Variants in TRPM6 observed in about 807,000 individuals in gnomAD.
TRPM6 encodes the protein transient receptor potential cation channel subfamily M member 6.
A neutral mutation model predicts 247.6 loss-of-function variants in TRPM6; 111 were observed. That is an observed-to-expected ratio of 0.45 (90% confidence interval 0.38 to 0.52). The LOEUF (loss-of-function observed/expected upper bound fraction) is 0.52. Among genes scored for constraint, TRPM6 ranks in the 20% least tolerant of loss-of-function variants. The pLI, the probability that TRPM6 is intolerant of heterozygous loss-of-function variation, is 0.00. For missense variants in TRPM6, 2,126 were observed against 2,421.5 expected, an observed-to-expected ratio of 0.88 and a Z score of 2.56; for synonymous variants, 892 against 853.8, an observed-to-expected ratio of 1.04 and a Z score of -0.78.
chr9:74,781,001 A>C (rs1219709636), intron 23 of TRPM6, among the ~76,000 whole-genome samples: 1 of 152,158 alleles, frequency 6.6e-6, no homozygotes, highest in Non-Finnish European at 1.5e-5. Context: ...TTAGAAATCT[A>C]TTAAATTTCT....
At chr9:74,742,753 C>CA in intron 32 of TRPM6, 127 bp from the exon 33 acceptor site, 1 of 834,476 alleles carries the variant, frequency 1.2e-6, no homozygotes, top group Non-Finnish European at 1.9e-6. Context: ...TTGCCATTAT[C>CA]AAAAATATAA....
chr9:74,755,250 T>C, intron 28 of TRPM6, 103 bp downstream of exon 28: 1 of 1,223,568 alleles, frequency 8.2e-7, no homozygotes, highest in South Asian at 1.2e-5. Context: ...CTTTCCCTCA[T>C]CTCCATGTGA....
chr9:74,860,542 A>T (rs149467561), intron 1 of TRPM6, among the ~76,000 whole-genome samples: 7 of 152,124 alleles, frequency 4.6e-5, no homozygotes, highest in African/African-American at 1.7e-4. Context: ...TATTTTTAGT[A>T]GCAACAGGGT....
chr9:74,846,635 C>T (rs905255838), intron 3 of TRPM6, among the ~76,000 whole-genome samples: 6 of 152,042 alleles, frequency 3.9e-5, no homozygotes, highest in African/African-American at 1.4e-4. Context: ...CCACCTCCAC[C>T]TCCTGGATTC....
intron 1 of TRPM6, among the ~76,000 whole-genome samples, chr9:74,882,690 A>G (rs1245175438): frequency 1.3e-5 from 2 of 152,214 alleles, no homozygotes; most frequent in African/African-American, 4.8e-5. Flanking sequence ...CCGTTATGGA[A>G]AACAGTAATG....
rs892016520 is a variant in TRPM6 at position 74,752,312 on chromosome 9, T to C, written c.4963A>G (p.Ile1655Val). The C allele has an allele frequency of 2.5e-6, 4 of 1,601,884 alleles. No homozygotes were observed. The highest frequency in any genetic ancestry group is 1.7e-5 in the Admixed American group (1 of 59,712). Reference sequence around the variant, plus strand: ...TGCTTTAGGTAATCACTGATTTGTATAGCACATTGTCCAATTTCTTTAGTT... The same window carrying C: ...TGCTTTAGGTAATCACTGATTTGTACAGCACATTGTCCAATTTCTTTAGTT... ...MKTKEIGQCA[I>V]QISDYLKQSQ... is the part of the protein sequence containing the mutation. Residue 1655 changes from isoleucine (I) to valine (V), a missense_variant, in exon 29 of 39, where the codon ATA becomes GTA. Ile to Val is a conservative substitution (Grantham distance 29). Coordinates refer to ENST00000360774, the MANE Select transcript of TRPM6 (RefSeq NM_017662.5).
At chr9:74,864,323 C>G (rs540780644) in intron 1 of TRPM6, among the ~76,000 whole-genome samples, 32 of 152,322 alleles carry the variant, frequency 2.1e-4, no homozygotes, top group African/African-American at 7.7e-4. Flanking sequence ...GATGTACCAT[C>G]AATCAATCTG....
At chr9:74,809,866 G>A (rs534489311) in intron 13 of TRPM6, among the ~76,000 whole-genome samples, 157 of 148,540 alleles carry the variant, frequency 1.1e-3, no homozygotes, top group Non-Finnish European at 2.1e-3. Flanking sequence ...TGTAGTCCCA[G>A]CTATTCAGGA....
chr9:74,816,280 G>A (rs962369556), intron 11 of TRPM6, among the ~76,000 whole-genome samples: 1 of 151,968 alleles, frequency 6.6e-6, no homozygotes, highest in African/African-American at 2.4e-5. Flanking sequence ...AATGGGGGAG[G>A]ATTACCTGAC....
Position 74,810,965 on chromosome 9 carries a change from T to G in TRPM6, c.1444-97A>C, listed in dbSNP as rs1015368881. The stretch of plus-strand genomic sequence containing the variant: ...AGAATGCATAAGTAACTGAGAATAC[T>G]GAAAATTGTGTTCAATATTTTTAGT... On this transcript the variant is annotated intron_variant, in intron 12 of 38. Coordinates refer to ENST00000360774, the MANE Select transcript of TRPM6 (RefSeq NM_017662.5). 6.7e-5 allele frequency: 63 copies of G among 935,306 alleles called. No individual in the cohort carries two copies. The South Asian group carries it at 8.1e-4, about 12-fold the overall frequency. 57.9% of individuals were successfully genotyped at this position (935,306 alleles called of 1,614,324 possible).
At chr9:74,726,336 C>G (rs1057287599) in intron 38 of TRPM6, among the ~76,000 whole-genome samples, 2 of 152,006 alleles carry the variant, frequency 1.3e-5, no homozygotes, top group Admixed American at 6.5e-5. Flanking sequence ...GTGGTGAAAC[C>G]CTATCTCTAC....
chr9:74,752,755 G>GA (rs1826293552), intron 28 of TRPM6, among the ~76,000 whole-genome samples: 1 of 152,058 alleles, frequency 6.6e-6, no homozygotes, highest in South Asian at 2.1e-4. Flanking sequence ...TCCTAGTCTA[G>GA]TTAGGAATCC....
chr9:74,832,409 T>C (rs916547999), intron 6 of TRPM6, among the ~76,000 whole-genome samples: 1 of 152,278 alleles, frequency 6.6e-6, no homozygotes, highest in Middle Eastern at 3.4e-3. Flanking sequence ...TAAGAAACCC[T>C]GTTTTTGAAA....
chr9:74,767,942 T>TAAG (rs1429901406), intron 25 of TRPM6, among the ~76,000 whole-genome samples: 2 of 152,024 alleles, frequency 1.3e-5, no homozygotes, highest in African/African-American at 4.8e-5. Context: ...TCTATCTAAA[T>TAAG]AATAATAATA....
intron 20 of TRPM6, among the ~76,000 whole-genome samples, chr9:74,788,006 C>A (rs958838084): frequency 6.6e-6 from 1 of 152,010 alleles, no homozygotes; most frequent in Non-Finnish European, 1.5e-5. Context: ...TAAGCCACCA[C>A]GCCTGGCCCC....
intron 36 of TRPM6, among the ~76,000 whole-genome samples, chr9:74,734,728 C>A (rs1476388762): frequency 6.6e-6 from 1 of 152,084 alleles, no homozygotes; most frequent in Non-Finnish European, 1.5e-5. Flanking sequence ...CTAGTAAAAT[C>A]ATGTTTCTGA....
intron 3 of TRPM6, among the ~76,000 whole-genome samples, chr9:74,843,132 T>C (rs942962551): frequency 6.6e-5 from 10 of 152,236 alleles, no homozygotes; most frequent in Admixed American, 2.0e-4. Flanking sequence ...TCTTCACCAG[T>C]AGATTCCATT....
intron 31 of TRPM6, among the ~76,000 whole-genome samples, chr9:74,746,974 C>A (rs539928897): frequency 6.6e-6 from 1 of 151,684 alleles, no homozygotes; most frequent in Non-Finnish European, 1.5e-5. Context: ...CAAAATAAGT[C>A]GACAAAGAAG....
Position 74,762,022 on chromosome 9 carries a change from A to C in TRPM6, c.4649T>G (p.Leu1550Trp). Residue 1550 changes from leucine (L) to tryptophan (W), a missense_variant, in exon 26 of 39, where the codon TTG (leucine) becomes TGG (tryptophan). By Grantham distance (61) the Leu-to-Trp change is moderately conservative (BLOSUM62 -2). Around this residue, in one of 3 missense-constraint regions of TRPM6, gnomAD observed 717 missense variants for 715.9 expected, o/e 1.00. Coordinates refer to ENST00000360774, the MANE Select transcript of TRPM6 (RefSeq NM_017662.5). ...ACTTTTAATCTTACAGATCTTCATC[A>C]ATTTCTCCTCCTTATGGAATCTAAA... ...HSFRFHKEEK[L>W]MKICKIKNLS... 1 of 1,614,146 alleles carries C rather than the reference A, an allele frequency of 6.2e-7. No individual in the cohort carries two copies. The highest frequency in any genetic ancestry group is 2.2e-5 in the East Asian group (1 of 44,878).
Sources: allele counts gnomAD v4.1 joint callset (sites outside exome capture counted in the v4.1 genomes callset), GRCh38; gene constraint gnomAD v4.1.1; regional missense constraint gnomAD v4.1.1; transcripts MANE v1.5; gene names NCBI Gene and HGNC (gene_info 2026-07-23, HGNC 2026-07-21).